UBE2E1: variants seen among roughly 807,000 people sequenced by gnomAD.
The protein encoded by UBE2E1 is ubiquitin conjugating enzyme E2 E1.
In UBE2E1, 6 loss-of-function variants were observed where a neutral mutation model predicts 21.4. The ratio of observed to expected loss-of-function variants is 0.28; its 90% CI spans 0.15 to 0.55. The LOEUF (loss-of-function observed/expected upper bound fraction) is 0.55, where lower values mean the gene tolerates loss of function less well. Among genes scored for constraint, UBE2E1 ranks in the 20% least tolerant of loss-of-function variants. UBE2E1 has a pLI of 0.93. For missense variants in UBE2E1, 142 were observed against 236.5 expected (o/e 0.60, Z 2.62); for synonymous variants, 87 against 82.7 (o/e 1.05, Z -0.28).
chr3:23,831,276 G>A (rs1328868911), intron 3 of UBE2E1, among the ~76,000 whole-genome samples: 1 of 152,136 alleles, frequency 6.6e-6, no homozygotes, highest in Non-Finnish European at 1.5e-5. Flanking sequence ...CTCCAAGTGC[G>A]CTTTATTTTT....
Position 23,887,927 on chromosome 3 carries a change from AT to A in UBE2E1, c.336+231del. The A allele has an allele frequency of 1.8e-6, 1 of 551,820 alleles. No individual in the cohort carries two copies. Among genetic ancestry groups the A allele is most frequent in the Non-Finnish European group, 3.1e-6 (1 of 318,326 alleles). The allele number at this position is 551,820 out of a possible 1,614,324, so 34.2% of individuals were successfully genotyped here. On this transcript the variant is annotated intron_variant, in intron 4 of 5. Transcript: ENST00000306627. The surrounding 1 kb of genome is among the most constrained non-coding windows in gnomAD (Gnocchi z 4.4). ...TTTTGATGGTGCTTAAAATTGTGCT[AT>A]TTATAGTAATATTGTCAGCAACCTA...
intron 3 of UBE2E1, among the ~76,000 whole-genome samples, chr3:23,830,063 A>G (rs1023752451): frequency 2.8e-4 from 42 of 152,284 alleles, no homozygotes; most frequent in African/African-American, 8.7e-4. Flanking sequence ...TGTCAAGAAA[A>G]TATCTTTGGA....
Position 23,836,819 on chromosome 3 carries a change from A to G in UBE2E1, c.203+25309A>G, listed in dbSNP as rs1394789512. ...CAGACAGAATCATGCCCAGGAATCT[A>G]TTCATTCTGCACACTATGATTGATC... On this transcript the variant is annotated intron_variant, in intron 3 of 5. Transcript: ENST00000306627. The surrounding 1 kb of genome is among the most constrained non-coding windows in gnomAD (Gnocchi z 4.1). Among the ~76,000 whole-genome samples the G allele has an allele frequency of 3.3e-5, 5 of 152,216 alleles. No homozygotes were observed. Among genetic ancestry groups the G allele is most frequent in the Non-Finnish European group, 7.3e-5 (5 of 68,032 alleles).
chr3:23,826,288 T>A (rs1350152524), intron 3 of UBE2E1, among the ~76,000 whole-genome samples: 2 of 152,238 alleles, frequency 1.3e-5, no homozygotes, highest in Non-Finnish European at 2.9e-5. Context: ...ATTACTCAGC[T>A]GGTCTTGACG....
At position 23,842,634 on chromosome 3, in the gene UBE2E1, G is replaced by A. The variant is rs530717533; in HGVS notation, c.203+31124G>A. ...AAATAAGTCGGAGTCTCATACCTCT[G>A]TGTCAACACTGAACAGCATTTTTTG... On this transcript the variant is annotated intron_variant, in intron 3 of 5. Coordinates refer to ENST00000306627, the MANE Select transcript of UBE2E1 (RefSeq NM_003341.5). The surrounding 1 kb of genome is among the most constrained non-coding windows in gnomAD (Gnocchi z 4.6). Among the ~76,000 whole-genome samples, 1 of 152,256 alleles carries A rather than the reference G, an allele frequency of 6.6e-6. No homozygotes were observed. The highest frequency in any genetic ancestry group is 6.5e-5 in the Admixed American group (1 of 15,296).
intron 3 of UBE2E1, among the ~76,000 whole-genome samples, chr3:23,846,380 A>G (rs1700203484): frequency 6.6e-6 from 1 of 152,052 alleles, no homozygotes; most frequent in East Asian, 1.9e-4. Context: ...CCTGGGCAAC[A>G]TGGCAAGGCC....
chr3:23,858,932 A>T (rs1236394361), intron 3 of UBE2E1, among the ~76,000 whole-genome samples: 3 of 152,178 alleles, frequency 2.0e-5, no homozygotes, highest in Non-Finnish European at 4.4e-5. Context: ...CTCGTCTTTA[A>T]CAATTTACCT....
At chr3:23,883,152 T>TA (rs1575040750) in intron 3 of UBE2E1, among the ~76,000 whole-genome samples, 1 of 152,220 alleles carries the variant, frequency 6.6e-6, no homozygotes, top group Non-Finnish European at 1.5e-5. Flanking sequence ...TTCCATACTC[T>TA]AATCATTTGG....
At chr3:23,859,574 G>A (rs1700507705) in intron 3 of UBE2E1, among the ~76,000 whole-genome samples, 1 of 152,228 alleles carries the variant, frequency 6.6e-6, no homozygotes. Flanking sequence ...CATAGCAAAT[G>A]GAGTGGCCTT....
intron 3 of UBE2E1, among the ~76,000 whole-genome samples, chr3:23,821,097 G>T (rs780250296): frequency 6.6e-6 from 1 of 152,240 alleles, no homozygotes; most frequent in Non-Finnish European, 1.5e-5. Context: ...GCTAGGCATT[G>T]TTCTGTAGGT....
intron 3 of UBE2E1, among the ~76,000 whole-genome samples, chr3:23,872,044 C>G (rs1417255409): frequency 6.6e-6 from 1 of 151,898 alleles, no homozygotes; most frequent in Non-Finnish European, 1.5e-5. Flanking sequence ...GAGGTTGTAG[C>G]CGGCCGAGAT....
rs1317333856 is a variant in UBE2E1, at chr3:23,891,445, A to C, written c.*839A>C. The C allele has an allele frequency of 6.6e-6, 1 of 152,214 alleles. No individual in the cohort carries two copies. Among genetic ancestry groups the C allele is most frequent in the East Asian group, 1.9e-4 (1 of 5,202 alleles). The allele number at this position is 152,214 out of a possible 1,614,324, so 9.4% of individuals were successfully genotyped here. The stretch of plus-strand genomic sequence containing the variant: ...TTTAGTAGGTATTAGTTAGTTACCT[A>C]TATTAGGATCTGTACTTTACACAGC... On this transcript the variant is annotated 3_prime_UTR_variant, in exon 6 of 6. Transcript: ENST00000306627.
At chr3:23,847,798 A>C (rs1008145540) in intron 3 of UBE2E1, among the ~76,000 whole-genome samples, 2 of 152,120 alleles carry the variant, frequency 1.3e-5, no homozygotes, top group Admixed American at 6.6e-5. Flanking sequence ...CTCAGCCTTA[A>C]AATTGTTATT....
chr3:23,832,692 G>C (rs1414572005), intron 3 of UBE2E1, among the ~76,000 whole-genome samples: 6 of 152,126 alleles, frequency 3.9e-5, no homozygotes, highest in Admixed American at 3.3e-4. Context: ...CCAAGATCTT[G>C]CCACTGCGCT....
In UBE2E1 at chr3:23,890,826, A is replaced by G. The variant is rs1292865538; in HGVS notation, c.*220A>G. The G allele has an allele frequency of 9.6e-6, 4 of 417,304 alleles. No individual in the cohort carries two copies. Among genetic ancestry groups the G allele is most frequent in the Admixed American group, 4.2e-5 (1 of 23,710 alleles). The allele number at this position is 417,304 out of a possible 1,614,324, so 25.9% of individuals were successfully genotyped here. On this transcript the variant is annotated 3_prime_UTR_variant, in exon 6 of 6. Transcript: ENST00000306627. ...TTTTAAAATTGTCATTAGTTCTGCAATATTAGCTGAAATGTAGTACAGAAA... is the reference window on the plus strand; with the variant it reads ...TTTTAAAATTGTCATTAGTTCTGCAGTATTAGCTGAAATGTAGTACAGAAA...
chr3:23,845,365 A>G (rs181483432), intron 3 of UBE2E1, among the ~76,000 whole-genome samples: 2 of 152,322 alleles, frequency 1.3e-5, no homozygotes, highest in Admixed American at 6.5e-5. Context: ...GAAGGAAGAA[A>G]GCCTCTGTTT....
chr3:23,882,408 C>G (rs1701067504), intron 3 of UBE2E1, among the ~76,000 whole-genome samples: 1 of 152,238 alleles, frequency 6.6e-6, no homozygotes, highest in Admixed American at 6.5e-5. Flanking sequence ...ATTTACAATC[C>G]TCCAGCTAGA....
At chr3:23,874,068 A>G (rs184600954) in intron 3 of UBE2E1, among the ~76,000 whole-genome samples, 4 of 152,302 alleles carry the variant, frequency 2.6e-5, no homozygotes, top group Non-Finnish European at 2.9e-5. Context: ...CCACTGACCT[A>G]GCAGCCCCCT....
intron 3 of UBE2E1, among the ~76,000 whole-genome samples, chr3:23,811,805 G>A (rs1399275277): frequency 6.6e-6 from 1 of 152,172 alleles, no homozygotes; most frequent in Non-Finnish European, 1.5e-5. Flanking sequence ...TCTTTGATAT[G>A]CCATTAAAGA....
Sources: allele counts gnomAD v4.1 joint callset (sites outside exome capture counted in the v4.1 genomes callset), GRCh38; gene constraint gnomAD v4.1.1; non-coding constraint Gnocchi (gnomAD v3.1); transcripts MANE v1.5; gene names NCBI Gene and HGNC (gene_info 2026-07-23, HGNC 2026-07-21).